LHFPL5: variants seen among roughly 807,000 people sequenced by gnomAD.
The protein encoded by LHFPL5 is LHFPL tetraspan subfamily member 5, also known as LHFPL tetraspan subfamily member 5 protein.
In LHFPL5, 12 loss-of-function variants were observed where a neutral mutation model predicts 18.7. The observed-to-expected ratio is 0.64, with a 90% CI of 0.41 to 1.04. The LOEUF is 1.04. LHFPL5 is among the 50% of genes least tolerant of loss of function. The pLI, the probability that LHFPL5 is intolerant of heterozygous loss-of-function variation, is 0.00. For synonymous variants in LHFPL5, 111 were observed against 120.2 expected (o/e 0.92, Z 0.50); for missense variants, 259 against 292.1 (o/e 0.89, Z 0.83).
At position 35,821,303 on chromosome 6, in the gene LHFPL5, CAA is replaced by C. The variant is rs545383687; in HGVS notation, c.*17-1663_*17-1662del. ...TGGGAGAGAGAGCAAGACTGAGTCT[CAA>C]AAAAAAAAAAAAAAATGCAGATTCT... On this transcript the variant is annotated intron_variant, in intron 3 of 3. Transcript: ENST00000360215. Among the ~76,000 whole-genome samples, 108 of 99,956 alleles carry C rather than the reference CAA, an allele frequency of 1.1e-3. 1 individual carries two copies. Among genetic ancestry groups the C allele is most frequent in the Admixed American group, 3.3e-3 (29 of 8,920 alleles). 65.6% of individuals were successfully genotyped at this position (99,956 alleles called of 152,430 possible). A position where few individuals can be genotyped will look rare whatever the true frequency, so the allele number is the denominator to read the frequency against.
intron 1 of LHFPL5, among the ~76,000 whole-genome samples, chr6:35,813,390 G>A (rs866169386): frequency 6.6e-5 from 10 of 151,208 alleles, no homozygotes; most frequent in South Asian, 2.1e-4. Flanking sequence ...GACTACAGGC[G>A]CCCACCATCA....
intron 2 of LHFPL5, among the ~76,000 whole-genome samples, chr6:35,816,655 T>C (rs1328943381): frequency 2.0e-5 from 3 of 151,340 alleles, no homozygotes; most frequent in African/African-American, 7.3e-5. Flanking sequence ...CTACTAAAAA[T>C]ACAAAAATTA....
chr6:35,816,565 G>A (rs1319471841), intron 2 of LHFPL5, among the ~76,000 whole-genome samples: 7 of 151,898 alleles, frequency 4.6e-5, no homozygotes, highest in Non-Finnish European at 7.4e-5. Context: ...TAACCCCAGC[G>A]CTCTGGGAGG....
chr6:35,818,975 G>T (rs1768818984), intron 2 of LHFPL5, among the ~76,000 whole-genome samples: 1 of 152,138 alleles, frequency 6.6e-6, no homozygotes, highest in African/African-American at 2.4e-5. Context: ...GGGATTACAG[G>T]CATGTGCCAC....
In LHFPL5 at chr6:35,823,469, A is replaced by ACTCT. The variant is rs886061361; in HGVS notation, c.*505_*506insTCTC. 3.6e-5 allele frequency: 4 copies of ACTCT among 111,816 alleles called. No homozygotes were observed. Among genetic ancestry groups the ACTCT allele is most frequent in the African/African-American group, 1.3e-4 (4 of 31,308 alleles). 6.9% of individuals were successfully genotyped at this position (111,816 alleles called of 1,614,324 possible). ...TATATACACACACACACACACACAC[A>ACTCT]CACACACACTCTCTCTCTCTCTCAA... On this transcript the variant is annotated 3_prime_UTR_variant, in exon 4 of 4. Transcript: ENST00000360215.
chr6:35,807,407 C>T (rs765532838), intron 1 of LHFPL5, among the ~76,000 whole-genome samples: 1 of 152,162 alleles, frequency 6.6e-6, no homozygotes, highest in Non-Finnish European at 1.5e-5. Context: ...AGTGGTCTTG[C>T]TCTTCTCTGT....
chr6:35,814,709 C>G lies in LHFPL5; in HGVS notation c.576C>G (p.Leu192=). The G allele has an allele frequency of 6.2e-7, 1 of 1,614,206 alleles. No homozygotes were observed. The highest frequency in any genetic ancestry group is 8.5e-7 in the Non-Finnish European group (1 of 1,180,032). The part of the protein sequence containing the change: ...AILSIGDALI[L]SFLAFVLGYR... Reference sequence around the variant, plus strand: ...TCAGCATTGGCGACGCCCTCATCCTCTCCTTCCTGGCCTTCGTGTTGGGCT... The same window carrying G: ...TCAGCATTGGCGACGCCCTCATCCTGTCCTTCCTGGCCTTCGTGTTGGGCT... Residue 192 remains leucine, a synonymous_variant, in exon 2 of 4, where the codon CTC becomes CTG. Transcript: ENST00000360215. This position sits in a 1 kb window ranked among gnomAD's most constrained non-coding sequence, Gnocchi z 4.2.
intron 1 of LHFPL5, among the ~76,000 whole-genome samples, chr6:35,809,534 A>G (rs1360912102): frequency 2.0e-5 from 3 of 152,078 alleles, no homozygotes; most frequent in Admixed American, 1.3e-4. Context: ...CTCAAAAATG[A>G]TTATTTTTAC....
Position 35,816,282 on chromosome 6 carries a change from G to T in LHFPL5, c.649+1500G>T, listed in dbSNP as rs1338744254. Among the ~76,000 whole-genome samples, 6 of 145,720 alleles carry T rather than the reference G, an allele frequency of 4.1e-5. No individual in the cohort carries two copies. In the East Asian group the frequency reaches 1.0e-3, roughly 25 times the overall value. On this transcript the variant is annotated intron_variant, in intron 2 of 3. Coordinates refer to ENST00000360215, the MANE Select transcript of LHFPL5 (RefSeq NM_182548.4). ...AATCTCTTGGACCCAGGAGGCAGAG[G>T]TTGAAGTGAGCTGAGATCGCGCCAC...
At chr6:35,822,420 T>C (rs1768882666) in intron 3 of LHFPL5, among the ~76,000 whole-genome samples, 1 of 152,226 alleles carries the variant, frequency 6.6e-6, no homozygotes, top group South Asian at 2.1e-4. Context: ...AATTTGCATG[T>C]CTAGGTAGAA....
At chr6:35,808,503 CT>C (rs1768608465) in intron 1 of LHFPL5, among the ~76,000 whole-genome samples, 1 of 137,576 alleles carries the variant, frequency 7.3e-6, no homozygotes, top group Admixed American at 7.6e-5. Context: ...CAAAAATTAG[CT>C]GGGTTAATAA....
At chr6:35,810,919 C>T (rs1459451214) in intron 1 of LHFPL5, among the ~76,000 whole-genome samples, 1 of 152,096 alleles carries the variant, frequency 6.6e-6, no homozygotes, top group Non-Finnish European at 1.5e-5. Context: ...AAACCACTCC[C>T]AAATCTTGGT....
intron 1 of LHFPL5, among the ~76,000 whole-genome samples, chr6:35,813,052 C>G (rs1768693616): frequency 6.6e-6 from 1 of 151,342 alleles, no homozygotes; most frequent in African/African-American, 2.4e-5. Flanking sequence ...AAGACTCTGT[C>G]TCAAAAAAAA....
chr6:35,812,217 C>G (rs1349168139), intron 1 of LHFPL5, among the ~76,000 whole-genome samples: 1 of 152,144 alleles, frequency 6.6e-6, no homozygotes, highest in Admixed American at 6.6e-5. Context: ...AGGTGGGACC[C>G]TGATTTTTCC....
At chr6:35,819,361 G>C in intron 2 of LHFPL5, 76 bp from the exon 3 acceptor site, 1 of 1,341,376 alleles carries the variant, frequency 7.5e-7, no homozygotes, top group Non-Finnish European at 1.1e-6. Flanking sequence ...GTAGTTTGGA[G>C]ATGGAGTAGT....
chr6:35,806,488 C>A (rs1252035515), intron 1 of LHFPL5, among the ~76,000 whole-genome samples: 2 of 152,040 alleles, frequency 1.3e-5, no homozygotes, highest in Non-Finnish European at 2.9e-5. Flanking sequence ...AGGACTCAAC[C>A]CTAGCACAAA....
At chr6:35,822,871 A>G (rs1768891629) in intron 3 of LHFPL5, 111 bp from the exon 4 acceptor site, 1 of 152,194 alleles carries the variant, frequency 6.6e-6, no homozygotes, top group Non-Finnish European at 1.5e-5. Flanking sequence ...TGGCCTCCCA[A>G]AGTGCTGGGA....
At chr6:35,822,283 A>G (rs1030140682) in intron 3 of LHFPL5, among the ~76,000 whole-genome samples, 1 of 152,072 alleles carries the variant, frequency 6.6e-6, no homozygotes, top group Non-Finnish European at 1.5e-5. Context: ...TAATATCCCA[A>G]GTGGCATTAC....
At chr6:35,806,851 T>G (rs1334008932) in intron 1 of LHFPL5, among the ~76,000 whole-genome samples, 1 of 152,098 alleles carries the variant, frequency 6.6e-6, no homozygotes, top group African/African-American at 2.4e-5. Flanking sequence ...TGAGACAGAG[T>G]CTCACTCTTT....
Sources: allele counts gnomAD v4.1 joint callset (sites outside exome capture counted in the v4.1 genomes callset), GRCh38; gene constraint gnomAD v4.1.1; non-coding constraint Gnocchi (gnomAD v3.1); transcripts MANE v1.5; gene names NCBI Gene and HGNC (gene_info 2026-07-23, HGNC 2026-07-21).